Variants in SPAG16 observed in about 807,000 individuals in gnomAD.
The protein encoded by SPAG16 is sperm-associated antigen 16 protein.
In SPAG16, 86 loss-of-function variants were observed where a neutral mutation model predicts 80.4. The observed-to-expected ratio is 1.07, with a 90% CI of 0.90 to 1.28. SPAG16 has a LOEUF of 1.28. Among genes scored for constraint, SPAG16 ranks in the 50% most tolerant of loss-of-function variants. SPAG16 has a pLI of 0.00. For synonymous variants in SPAG16, 294 were observed against 265.9 expected (o/e 1.11, Z -1.03); for missense variants, 870 against 765.3 (o/e 1.14, Z -1.61).
intron 15 of SPAG16, among the ~76,000 whole-genome samples, chr2:214,347,244 T>G (rs980834764): frequency 6.6e-6 from 1 of 152,098 alleles, no homozygotes; most frequent in African/African-American, 2.4e-5. Flanking sequence ...ATGGTCTAGC[T>G]AAGGAGACAT....
chr2:213,665,813 A>G (rs1214605055), intron 10 of SPAG16, among the ~76,000 whole-genome samples: 1 of 152,158 alleles, frequency 6.6e-6, no homozygotes, highest in African/African-American at 2.4e-5. Context: ...GAGGTACATC[A>G]CAATCTTCTC....
At chr2:213,741,084 A>T (rs1439999788) in intron 10 of SPAG16, among the ~76,000 whole-genome samples, 2 of 152,198 alleles carry the variant, frequency 1.3e-5, no homozygotes, top group East Asian at 3.8e-4. Context: ...TTAATGTGAC[A>T]ACTAAAAGAA....
At chr2:213,316,176 G>A (rs758015757) in intron 4 of SPAG16, among the ~76,000 whole-genome samples, 1 of 151,864 alleles carries the variant, frequency 6.6e-6, no homozygotes, top group Admixed American at 6.6e-5. Flanking sequence ...GATTACTCCA[G>A]CCACTCTGCT....
chr2:213,693,581 C>G (rs2065035055), intron 10 of SPAG16, among the ~76,000 whole-genome samples: 1 of 152,134 alleles, frequency 6.6e-6, no homozygotes, highest in African/African-American at 2.4e-5. Flanking sequence ...GTGTTTTGGG[C>G]AGATTTCAAC....
intron 14 of SPAG16, among the ~76,000 whole-genome samples, chr2:214,138,264 G>C (rs1182743075): frequency 6.6e-6 from 1 of 152,076 alleles, no homozygotes; most frequent in Admixed American, 6.6e-5. Context: ...AGTTCTAGGG[G>C]AGATACTGGG....
intron 4 of SPAG16, among the ~76,000 whole-genome samples, chr2:213,312,508 C>A (rs2063234291): frequency 6.6e-6 from 1 of 151,518 alleles, no homozygotes; most frequent in Admixed American, 6.6e-5. Context: ...CTTTTTTTGC[C>A]TCTTACTACA....
intron 15 of SPAG16, among the ~76,000 whole-genome samples, chr2:214,404,062 C>T (rs1701858148): frequency 6.6e-6 from 1 of 152,054 alleles, no homozygotes; most frequent in Non-Finnish European, 1.5e-5. Context: ...ACAGAAGAAA[C>T]AATCCAAAGG....
At chr2:214,216,820 A>G (rs146199628) in intron 15 of SPAG16, among the ~76,000 whole-genome samples, 39 of 152,378 alleles carry the variant, frequency 2.6e-4, no homozygotes, top group African/African-American at 9.1e-4. Flanking sequence ...CTGAACATCT[A>G]ACTACATAAA....
intron 10 of SPAG16, among the ~76,000 whole-genome samples, chr2:213,806,635 C>A (rs2071785731): frequency 6.6e-6 from 1 of 151,868 alleles, no homozygotes. Flanking sequence ...CTATATCTTC[C>A]TAAAGGTAGT....
chr2:213,285,458 GAA>G lies in SPAG16; in HGVS notation c.136+841_136+842del, dbSNP rs202115802. 4.4e-3 allele frequency among the ~76,000 whole-genome samples: 673 copies of G among 152,272 alleles called. 4 individuals carry two copies. Among genetic ancestry groups the G allele is most frequent in the African/African-American group, 0.015 (618 of 41,536 alleles). ...GTAACTCCTTTATTCAGGGAGGTAA[GAA>G]AGAGATGATTATCTGTTCAGTTCTT... On this transcript the variant is annotated intron_variant, in intron 1 of 15. Coordinates refer to ENST00000331683, the MANE Select transcript of SPAG16 (RefSeq NM_024532.5).
At chr2:214,163,587 T>TAC (rs144719998) in intron 15 of SPAG16, among the ~76,000 whole-genome samples, 54,351 of 148,150 alleles carry the variant, frequency 0.37, 12,012 homozygotes, top group Non-Finnish European at 0.5. Flanking sequence ...TATATATATA[T>TAC]ACACACACAT....
At chr2:213,508,345 G>C (rs2075059223) in intron 10 of SPAG16, among the ~76,000 whole-genome samples, 2 of 152,166 alleles carry the variant, frequency 1.3e-5, no homozygotes, top group Non-Finnish European at 2.9e-5. Context: ...GGCCGAGGCG[G>C]GTGGATCATG....
chr2:213,649,594 T>A (rs1415677615), intron 10 of SPAG16, among the ~76,000 whole-genome samples: 1 of 152,182 alleles, frequency 6.6e-6, no homozygotes, highest in Admixed American at 6.5e-5. Context: ...TTATTTATTT[T>A]GAGACAGGAT....
intron 9 of SPAG16, among the ~76,000 whole-genome samples, chr2:213,473,250 C>T (rs999444028): frequency 3.3e-4 from 50 of 152,172 alleles, no homozygotes; most frequent in African/African-American, 1.1e-3. Context: ...CTATCCATTA[C>T]GGTACCTATG....
intron 12 of SPAG16, among the ~76,000 whole-genome samples, chr2:213,985,173 A>G (rs1386372575): frequency 1.3e-5 from 2 of 152,136 alleles, no homozygotes; most frequent in Non-Finnish European, 2.9e-5. Flanking sequence ...CTATTAAAAG[A>G]ATGAATAAAT....
intron 10 of SPAG16, among the ~76,000 whole-genome samples, chr2:213,758,374 T>G (rs2068458430): frequency 6.6e-6 from 1 of 152,014 alleles, no homozygotes; most frequent in African/African-American, 2.4e-5. Context: ...TAAAATGACT[T>G]GATGGTGGAT....
At chr2:214,048,147 A>C (rs188248510) in intron 13 of SPAG16, among the ~76,000 whole-genome samples, 1 of 152,260 alleles carries the variant, frequency 6.6e-6, no homozygotes, top group Non-Finnish European at 1.5e-5. Flanking sequence ...TCCTCAAAAA[A>C]CTAAAAATAG....
Position 213,721,945 on chromosome 2 carries a change from T to G in SPAG16, c.1071-140540T>G, listed in dbSNP as rs1346907987. Among the ~76,000 whole-genome samples the G allele has an allele frequency of 4.6e-5, 7 of 152,342 alleles. No individual in the cohort carries two copies. In the East Asian group the frequency reaches 1.2e-3, roughly 25 times the overall value. On this transcript the variant is annotated intron_variant, in intron 10 of 15. Coordinates refer to ENST00000331683, the MANE Select transcript of SPAG16 (RefSeq NM_024532.5). ...TAACCGACAATCATATTACAAGTGC[T>G]TTATTTTAAAGGAAATAATAAAAAG...
intron 11 of SPAG16, among the ~76,000 whole-genome samples, chr2:213,910,199 AATAG>A (rs1225062623): frequency 6.6e-6 from 1 of 152,238 alleles, no homozygotes; most frequent in Admixed American, 6.5e-5. Context: ...AGTTCTATTG[AATAG>A]ATAGACACAG....
Sources: allele counts gnomAD v4.1 joint callset (sites outside exome capture counted in the v4.1 genomes callset), GRCh38; gene constraint gnomAD v4.1.1; transcripts MANE v1.5; gene names NCBI Gene and HGNC (gene_info 2026-07-23, HGNC 2026-07-21).